Variants in PCDHGA3 observed in about 807,000 individuals in gnomAD.
PCDHGA3 encodes protocadherin gamma subfamily A, 3.
In PCDHGA3, 40 loss-of-function variants were observed where a neutral mutation model predicts 58.5. The observed-to-expected ratio is 0.68, with a 90% confidence interval of 0.53 to 0.89. The LOEUF (loss-of-function observed/expected upper bound fraction) is 0.89. Among genes scored for constraint, PCDHGA3 ranks in the 40% least tolerant of loss-of-function variants. The pLI, the probability that PCDHGA3 is intolerant of heterozygous loss-of-function variation, is 0.00. For synonymous variants in PCDHGA3, 530 were observed against 525.7 expected, an observed-to-expected ratio of 1.01 and a Z score of -0.11; for missense variants, 1,223 against 1,195.9, an observed-to-expected ratio of 1.02 and a Z score of -0.33.
Position 141,476,656 on chromosome 5 carries a change from T to G in PCDHGA3, c.2425-18151T>G, listed in dbSNP as rs190269177. On this transcript the variant is annotated intron_variant, in intron 1 of 3. Transcript: ENST00000253812. The surrounding 1 kb of genome is among the most constrained non-coding windows in gnomAD (Gnocchi z 7.6). ...ATGAGCTGAGCCGAAATGAATACTTTGCGCTTCGCGTGCAGACGCGGGAGG... is the reference window on the plus strand; with the variant it reads ...ATGAGCTGAGCCGAAATGAATACTTGGCGCTTCGCGTGCAGACGCGGGAGG... The G allele has an allele frequency of 1.2e-6, 2 of 1,614,210 alleles. No individual in the cohort carries two copies. The highest frequency in any genetic ancestry group is 1.7e-6 in the Non-Finnish European group (2 of 1,180,044).
intron 1 of PCDHGA3, chr5:141,426,599 A>G (rs1171205143): frequency 2.7e-6 from 1 of 377,348 alleles, no homozygotes; most frequent in Non-Finnish European, 5.4e-6. Flanking sequence ...TCATACCCTT[A>G]GAGATTGTAG....
chr5:141,400,164 C>G (rs1307583379), intron 1 of PCDHGA3: 1 of 1,614,086 alleles, frequency 6.2e-7, no homozygotes, highest in Admixed American at 1.7e-5. Context: ...TACCCTCTGA[C>G]CCCCAGGCTG....
At chr5:141,371,350 T>C in intron 1 of PCDHGA3, 1 of 1,613,854 alleles carries the variant, frequency 6.2e-7, no homozygotes, top group Non-Finnish European at 8.5e-7. Context: ...ACAATTGGGG[T>C]GGAAGCAAAG....
At chr5:141,360,345 G>A (rs763623881) in intron 1 of PCDHGA3, 2 of 1,613,886 alleles carry the variant, frequency 1.2e-6, no homozygotes, top group Admixed American at 1.7e-5. Context: ...GGGTTAGCGC[G>A]GAGAAGGAAT....
intron 1 of PCDHGA3, chr5:141,387,785 G>A: frequency 6.8e-7 from 1 of 1,472,108 alleles, no homozygotes; most frequent in Non-Finnish European, 9.1e-7. Flanking sequence ...AACTGGAACT[G>A]CAACTAAAGT....
chr5:141,363,667 A>G (rs1260972541), intron 1 of PCDHGA3, among the ~76,000 whole-genome samples: 1 of 152,262 alleles, frequency 6.6e-6, no homozygotes, highest in Non-Finnish European at 1.5e-5. Flanking sequence ...TTTCTTCTGC[A>G]TATGACAGCT....
At position 141,427,779 on chromosome 5, in the gene PCDHGA3, C is replaced by T. The variant is rs1196661076; in HGVS notation, c.2425-67028C>T. On this transcript the variant is annotated intron_variant, in intron 1 of 3. Transcript: ENST00000253812. Reference sequence around the variant, plus strand: ...TACCACTGACTTGGAGCTGCGGGCACTGTCGTCCTACGTGTCCGTGAGCGC... The same window carrying T: ...TACCACTGACTTGGAGCTGCGGGCATTGTCGTCCTACGTGTCCGTGAGCGC... 2.1e-6 allele frequency: 3 copies of T among 1,454,498 alleles called. No individual in the cohort carries two copies. The East Asian group carries it at 6.8e-5, about 33-fold the overall frequency. The allele number at this position is 1,454,498 out of a possible 1,614,324, so 90.1% of individuals were successfully genotyped here. A position where few individuals can be genotyped will look rare whatever the true frequency, so the allele number is the denominator to read the frequency against.
Position 141,344,802 on chromosome 5 carries a change from G to C in PCDHGA3, c.769G>C (p.Val257Leu), listed in dbSNP as rs377526962. 6.2e-7 allele frequency: 1 copy of C among 1,613,982 alleles called. No individual in the cohort carries two copies. Among genetic ancestry groups the C allele is most frequent in the Non-Finnish European group, 8.5e-7 (1 of 1,179,906 alleles). Reference protein sequence around the residue: ...YRVSVWENVPVGTRLLTVNAT... With the variant: ...YRVSVWENVPLGTRLLTVNAT... ...TGTGAGTGTTTGGGAGAACGTGCCTGTGGGTACCCGGCTGCTCACGGTGAA... is the reference window on the plus strand; with the variant it reads ...TGTGAGTGTTTGGGAGAACGTGCCTCTGGGTACCCGGCTGCTCACGGTGAA... The change falls in exon 1 of 4, where the codon GTG becomes CTG. Residue 257 changes from valine (V) to leucine (L), a missense_variant. By Grantham distance (32) the Val-to-Leu change is conservative (BLOSUM62 1). Transcript: ENST00000253812.
At chr5:141,385,542 A>T (rs3763123) in intron 1 of PCDHGA3, 69,535 of 1,326,660 alleles carry the variant, frequency 0.052, 2,028 homozygotes, top group African/African-American at 0.1. Flanking sequence ...GAATATGTGG[A>T]CTATCACATT....
At position 141,351,030 on chromosome 5, in the gene PCDHGA3, CCGTGCTG is replaced by C. The variant is rs751694641; in HGVS notation, c.2424+4576_2424+4582del. 2.0e-5 allele frequency: 33 copies of C among 1,614,068 alleles called. No individual in the cohort carries two copies. In the Admixed American group the frequency reaches 3.7e-4, roughly 18 times the overall value. On this transcript the variant is annotated intron_variant, in intron 1 of 3. Transcript: ENST00000253812. Reference sequence around the variant, plus strand: ...CAAGAAAACGTACCGTGGGGAACCTCCGTGCTGCGGGTGATGGCCACAGACCAGGATG... The same window carrying C: ...CAAGAAAACGTACCGTGGGGAACCTCCGGGTGATGGCCACAGACCAGGATG...
intron 1 of PCDHGA3, chr5:141,383,013 G>T: frequency 6.2e-7 from 1 of 1,613,828 alleles, no homozygotes; most frequent in South Asian, 1.1e-5. Context: ...TGTCGGAGGA[G>T]ACGGACAAAG....
rs1171628790 is a variant in PCDHGA3 at position 141,352,592 on chromosome 5, T to A, written c.2424+6135T>A. The A allele has an allele frequency of 1.9e-6, 3 of 1,613,672 alleles. No homozygotes were observed. In the East Asian group the frequency reaches 6.7e-5, roughly 36 times the overall value. Reference sequence around the variant, plus strand: ...AATGGCTCCCCCTCAGGATCTGCTGTGTGATGATCCTTCTATGGTTGTATG... The same window carrying A: ...AATGGCTCCCCCTCAGGATCTGCTGAGTGATGATCCTTCTATGGTTGTATG... On this transcript the variant is annotated intron_variant, in intron 1 of 3. Coordinates refer to ENST00000253812, the MANE Select transcript of PCDHGA3 (RefSeq NM_018916.4).
At chr5:141,399,380 T>A (rs1361218028) in intron 1 of PCDHGA3, 5 of 1,613,820 alleles carry the variant, frequency 3.1e-6, no homozygotes, top group Non-Finnish European at 4.2e-6. Context: ...AATGTCACCA[T>A]CACAGCCACA....
chr5:141,509,621 C>T (rs1179988828), intron 3 of PCDHGA3, among the ~76,000 whole-genome samples: 1 of 152,178 alleles, frequency 6.6e-6, no homozygotes, highest in African/African-American at 2.4e-5. Flanking sequence ...AAACAAGTTC[C>T]TGGGTGATGC....
intron 1 of PCDHGA3, chr5:141,405,594 C>G: frequency 1.7e-6 from 1 of 578,834 alleles, no homozygotes; most frequent in Non-Finnish European, 3.0e-6. Context: ...ACAGGCCTCC[C>G]AAGTAGAATA....
At chr5:141,355,706 G>T in intron 1 of PCDHGA3, 1 of 1,613,984 alleles carries the variant, frequency 6.2e-7, no homozygotes, top group South Asian at 1.1e-5. Flanking sequence ...TCCCTGCAGG[G>T]TTACCAGCTC....
At position 141,485,789 on chromosome 5, in the gene PCDHGA3, T is replaced by G. The variant is rs1276069810; in HGVS notation, c.2425-9018T>G. The G allele has an allele frequency of 1.2e-6, 2 of 1,613,978 alleles. No individual in the cohort carries two copies. The highest frequency in any genetic ancestry group is 1.7e-6 in the Non-Finnish European group (2 of 1,180,030). On this transcript the variant is annotated intron_variant, in intron 1 of 3. Coordinates refer to ENST00000253812, the MANE Select transcript of PCDHGA3 (RefSeq NM_018916.4). This position sits in a 1 kb window ranked among gnomAD's most constrained non-coding sequence, Gnocchi z 5.7. ...GAAGCCTTTGGATCGAGAGAAGCAATCGGACTACCGCCTGGTGCTGACTGC... is the reference window on the plus strand; with the variant it reads ...GAAGCCTTTGGATCGAGAGAAGCAAGCGGACTACCGCCTGGTGCTGACTGC...
At chr5:141,383,468 A>C in intron 1 of PCDHGA3, 1 of 1,613,774 alleles carries the variant, frequency 6.2e-7, no homozygotes, top group Non-Finnish European at 8.5e-7. Context: ...GATGAAACTA[A>C]GTACCCGGAA....
chr5:141,383,340 T>C (rs1475808617), intron 1 of PCDHGA3: 15 of 1,614,016 alleles, frequency 9.3e-6, no homozygotes, highest in Non-Finnish European at 1.2e-5. Context: ...AGAATACAGC[T>C]CCTGGGGTTC....
Sources: gnomAD v4.1 joint callset for allele counts (sites outside exome capture counted in the v4.1 genomes callset) on GRCh38, gnomAD v4.1.1 for gene constraint, Gnocchi (gnomAD v3.1) non-coding constraint, MANE v1.5 for transcripts, NCBI Gene and HGNC (gene_info 2026-07-23, HGNC 2026-07-21) for gene names.